Variants in FHIT observed in about 807,000 individuals in gnomAD.
FHIT encodes the protein fragile histidine triad diadenosine triphosphatase.
FHIT carries 19 observed loss-of-function variants against 17.9 expected under a neutral mutation model. The observed-to-expected ratio is 1.06, with a 90% CI of 0.74 to 1.56. FHIT has a LOEUF of 1.56. Ranked by LOEUF, FHIT falls within the 40% of genes most tolerant of loss-of-function variation. FHIT has a pLI of 0.00. For missense variants in FHIT, 248 were observed against 189.2 expected (o/e 1.31, Z -1.82); for synonymous variants, 81 against 69.7 (o/e 1.16, Z -0.81).
intron 4 of FHIT, among the ~76,000 whole-genome samples, chr3:60,655,924 A>G (rs1268695777): frequency 6.6e-6 from 1 of 152,196 alleles, no homozygotes; most frequent in East Asian, 1.9e-4. Context: ...CGTTTTGGCT[A>G]CTACGCCTTT....
chr3:60,691,277 AT>A (rs2040982761), intron 4 of FHIT, among the ~76,000 whole-genome samples: 1 of 151,538 alleles, frequency 6.6e-6, no homozygotes. Context: ...TATTTTCTAT[AT>A]TTTTAATCAT....
chr3:60,453,976 T>C (rs1024516034), intron 5 of FHIT, among the ~76,000 whole-genome samples: 1 of 151,664 alleles, frequency 6.6e-6, no homozygotes, highest in Non-Finnish European at 1.5e-5. Context: ...GAAAAAAAAA[T>C]AACCTAAGCA....
chr3:59,989,198 G>A (rs1709119288), intron 7 of FHIT, among the ~76,000 whole-genome samples: 1 of 152,154 alleles, frequency 6.6e-6, no homozygotes, highest in Middle Eastern at 3.4e-3. Context: ...CTCATTTCAA[G>A]CCAGGCTCCT....
intron 5 of FHIT, among the ~76,000 whole-genome samples, chr3:60,494,464 T>C (rs371042055): frequency 6.6e-6 from 1 of 151,498 alleles, no homozygotes; most frequent in African/African-American, 2.5e-5. Flanking sequence ...TCCTTTGTGT[T>C]ACAAACAATC....
At chr3:60,903,631 G>A (rs1282331439) in intron 3 of FHIT, among the ~76,000 whole-genome samples, 1 of 152,180 alleles carries the variant, frequency 6.6e-6, no homozygotes, top group African/African-American at 2.4e-5. Context: ...TTAAGATGTA[G>A]AATGTTTATG....
At chr3:60,308,318 C>CTA (rs1708775964) in intron 5 of FHIT, among the ~76,000 whole-genome samples, 1 of 146,414 alleles carries the variant, frequency 6.8e-6, no homozygotes, top group Non-Finnish European at 1.5e-5. Context: ...TTACTGCATT[C>CTA]CTTCAGTGTA....
chr3:60,706,487 A>G (rs2041376253), intron 4 of FHIT, among the ~76,000 whole-genome samples: 1 of 152,234 alleles, frequency 6.6e-6, no homozygotes, highest in South Asian at 2.1e-4. Flanking sequence ...TTGAAAGATC[A>G]TATCAGGGTT....
At chr3:60,068,618 A>G (rs1702624428) in intron 5 of FHIT, among the ~76,000 whole-genome samples, 1 of 152,220 alleles carries the variant, frequency 6.6e-6, no homozygotes, top group Non-Finnish European at 1.5e-5. Context: ...ACAAACTACT[A>G]AATGTCCAAA....
At chr3:60,037,727 T>TA (rs1701277562) in intron 5 of FHIT, among the ~76,000 whole-genome samples, 1 of 151,186 alleles carries the variant, frequency 6.6e-6, no homozygotes, top group Non-Finnish European at 1.5e-5. Flanking sequence ...CTACTTTTTT[T>TA]TTTTGAGATG....
intron 5 of FHIT, among the ~76,000 whole-genome samples, chr3:60,513,155 G>A (rs1243349001): frequency 1.3e-5 from 2 of 152,124 alleles, no homozygotes; most frequent in Non-Finnish European, 2.9e-5. Flanking sequence ...TTTGTTAGAG[G>A]GTTTGGCACA....
intron 4 of FHIT, among the ~76,000 whole-genome samples, chr3:60,701,590 G>C (rs541023317): frequency 1.3e-5 from 2 of 152,242 alleles, no homozygotes; most frequent in South Asian, 4.2e-4. Flanking sequence ...AGATGAGTCA[G>C]TTTATCCATC....
At chr3:61,180,936 C>T (rs1281513918) in intron 2 of FHIT, among the ~76,000 whole-genome samples, 1 of 152,106 alleles carries the variant, frequency 6.6e-6, no homozygotes, top group African/African-American at 2.4e-5. Context: ...TTTAAATTAT[C>T]AATTTAATAT....
rs138332516 is a variant in FHIT at position 60,027,951 on chromosome 3, T to A, written c.104-13799A>T. Among the ~76,000 whole-genome samples, 320 of 152,320 alleles carry A rather than the reference T, an allele frequency of 2.1e-3. 1 individual carries two copies. The highest frequency in any genetic ancestry group is 7.1e-3 in the African/African-American group (294 of 41,586). On this transcript the variant is annotated intron_variant, in intron 5 of 9. Transcript: ENST00000492590. ...ATGTAATCAACCATATTTAATTGCA[T>A]TTTGTTTTAATTTTAATTTTACATT...
chr3:60,981,834 C>A (rs765449962), intron 3 of FHIT, among the ~76,000 whole-genome samples: 1 of 152,052 alleles, frequency 6.6e-6, no homozygotes, highest in Non-Finnish European at 1.5e-5. Context: ...AACTCCTGGA[C>A]TCAAGTGATT....
rs1374299501 is a variant in FHIT, at chr3:61,072,195, G to A, written c.-163-30096C>T. 3.3e-5 allele frequency among the ~76,000 whole-genome samples: 5 copies of A among 152,134 alleles called. No individual in the cohort carries two copies. The South Asian group carries it at 6.2e-4, about 19-fold the overall frequency. On this transcript the variant is annotated intron_variant, in intron 2 of 9. Transcript: ENST00000492590. ...AATGAGGAGTGTTGCATTCCTATCC[G>A]ATAGTTATTTCTCCCTCCCCTTCCT...
At chr3:60,797,215 A>T (rs1559730363) in intron 4 of FHIT, among the ~76,000 whole-genome samples, 1 of 152,122 alleles carries the variant, frequency 6.6e-6, no homozygotes, top group Admixed American at 6.5e-5. Flanking sequence ...GTGCCAAATG[A>T]TGTAATTGCC....
intron 8 of FHIT, among the ~76,000 whole-genome samples, chr3:59,911,446 G>A (rs1291872346): frequency 2.0e-5 from 3 of 152,142 alleles, no homozygotes; most frequent in African/African-American, 7.2e-5. Context: ...TGTCTATCTT[G>A]GAGAGTACTG....
intron 3 of FHIT, among the ~76,000 whole-genome samples, chr3:60,879,328 T>A (rs557346258): frequency 6.6e-6 from 1 of 152,302 alleles, no homozygotes; most frequent in Admixed American, 6.5e-5. Context: ...CTGAAGAAAC[T>A]GCATAGATAC....
At chr3:60,860,398 T>TACATGACATACATC (rs1559778850) in intron 3 of FHIT, among the ~76,000 whole-genome samples, 42 of 139,698 alleles carry the variant, frequency 3.0e-4, no homozygotes, top group Non-Finnish European at 4.9e-4. Flanking sequence ...ATCATATGTA[T>TACATGACATACATC]ATATGACATA....
Sources: allele counts gnomAD v4.1 joint callset (sites outside exome capture counted in the v4.1 genomes callset), GRCh38; gene constraint gnomAD v4.1.1; transcripts MANE v1.5; gene names NCBI Gene and HGNC (gene_info 2026-07-23, HGNC 2026-07-21).